Variants in GAL3ST2 observed in about 807,000 individuals in gnomAD.
The protein encoded by GAL3ST2 is galactose-3-O-sulfotransferase 2.
In GAL3ST2, 16 loss-of-function variants were observed where a neutral mutation model predicts 12.9. That is an observed-to-expected ratio of 1.24 (90% CI 0.84 to 1.88). The LOEUF (loss-of-function observed/expected upper bound fraction) is 1.88. Ranked by LOEUF, GAL3ST2 falls within the 40% of genes most tolerant of loss-of-function variation. The pLI, the probability that GAL3ST2 is intolerant of heterozygous loss-of-function variation, is 0.00. For missense variants in GAL3ST2, 639 were observed against 571.8 expected, an observed-to-expected ratio of 1.12 and a Z score of -1.20; for synonymous variants, 302 against 273.9, an observed-to-expected ratio of 1.10 and a Z score of -1.01.
Position 241,801,979 on chromosome 2 carries a change from G to A in GAL3ST2, c.318G>A (p.Val106=), listed in dbSNP as rs940504787. The A allele has an allele frequency of 8.7e-6, 14 of 1,612,800 alleles. No individual in the cohort carries two copies. In the African/African-American group the frequency reaches 1.7e-4, roughly 20 times the overall value. ...TCCTGGCGCGCTACGTGGAAGGCGT[G>A]GGGTCGCAGCAGCGCTTCAACATCA... The part of the protein sequence containing the change: ...WLFLARYVEG[V]GSQQRFNIMC... Residue 106 remains valine, a synonymous_variant, in exon 3 of 4, where the codon GTG becomes GTA. Transcript: ENST00000192314. The surrounding 1 kb of genome is among the most constrained non-coding windows in gnomAD (Gnocchi z 4.4).
intron 1 of GAL3ST2, among the ~76,000 whole-genome samples, chr2:241,794,439 G>C (rs1478028293): frequency 2.0e-5 from 3 of 152,198 alleles, no homozygotes; most frequent in Non-Finnish European, 4.4e-5. Context: ...GTGCCTCCCA[G>C]GCCTCTCTTC....
At chr2:241,787,590 G>C (rs1185388027) in intron 1 of GAL3ST2, among the ~76,000 whole-genome samples, 1 of 146,916 alleles carries the variant, frequency 6.8e-6, no homozygotes, top group African/African-American at 2.6e-5. Context: ...AGGAGGGCCA[G>C]TTCTACTGCT....
intron 1 of GAL3ST2, among the ~76,000 whole-genome samples, chr2:241,781,248 A>G (rs1164151183): frequency 6.6e-6 from 1 of 152,264 alleles, no homozygotes; most frequent in Admixed American, 6.5e-5. Context: ...GCAATGTTTT[A>G]CGAAAAACGT....
At chr2:241,785,631 G>C (rs377479081) in intron 1 of GAL3ST2, among the ~76,000 whole-genome samples, 3 of 151,450 alleles carry the variant, frequency 2.0e-5, no homozygotes, top group Non-Finnish European at 4.4e-5. Flanking sequence ...AAGGGAGTCT[G>C]GCACCTTCTT....
At position 241,801,826 on chromosome 2, in the gene GAL3ST2, GT is replaced by G. The variant is rs1238637043; in HGVS notation, c.167del (p.Phe56SerfsTer2). The G allele has an allele frequency of 1.9e-6, 3 of 1,612,924 alleles. 1 individual carries two copies. In the South Asian group the frequency reaches 3.3e-5, roughly 18 times the overall value. On this transcript the variant is annotated frameshift_variant, in exon 3 of 4. Transcript: ENST00000192314. LOFTEE classifies it high-confidence loss of function. The surrounding 1 kb of genome is among the most constrained non-coding windows in gnomAD (Gnocchi z 4.4). ...AEGPPVTNIM[F>X]LKTHKTASST... is the part of the protein sequence containing the mutation. ...AGGGGCCGCCGGTCACCAACATCAT[GT>G]TCCTGAAGACGCACAAGACGGCCAG...
At chr2:241,794,874 C>G (rs79819083) in intron 1 of GAL3ST2, among the ~76,000 whole-genome samples, 1,809 of 152,292 alleles carry the variant, frequency 0.012, 46 homozygotes, top group African/African-American at 0.042. Flanking sequence ...CAATCGTCAG[C>G]TTTCAAGGTT....
intron 1 of GAL3ST2, among the ~76,000 whole-genome samples, chr2:241,794,801 A>G (rs150183563): frequency 6.6e-6 from 1 of 152,344 alleles, no homozygotes; most frequent in African/African-American, 2.4e-5. Flanking sequence ...CCTAAAAGCT[A>G]AGGGCACTTG....
At chr2:241,797,059 G>C (rs965415061) in intron 1 of GAL3ST2, among the ~76,000 whole-genome samples, 1 of 152,240 alleles carries the variant, frequency 6.6e-6, no homozygotes, top group African/African-American at 2.4e-5. Context: ...GGGTCTCACT[G>C]TATTGCCCAG....
intron 1 of GAL3ST2, among the ~76,000 whole-genome samples, chr2:241,784,565 A>T (rs1234999114): frequency 6.6e-6 from 1 of 152,360 alleles, no homozygotes; most frequent in East Asian, 1.9e-4. Flanking sequence ...GATTTGACTT[A>T]AGTGGTGTGA....
chr2:241,786,220 C>A (rs1559413519), intron 1 of GAL3ST2, among the ~76,000 whole-genome samples: 1 of 150,748 alleles, frequency 6.6e-6, no homozygotes, highest in Non-Finnish European at 1.5e-5. Flanking sequence ...TAATTTGGAA[C>A]TTTTCTTCAG....
At chr2:241,786,058 G>A (rs948340139) in intron 1 of GAL3ST2, among the ~76,000 whole-genome samples, 4 of 152,010 alleles carry the variant, frequency 2.6e-5, no homozygotes, top group African/African-American at 9.7e-5. Context: ...TGTAAATAAA[G>A]TCCCTTTAGT....
Position 241,801,581 on chromosome 2 carries a change from G to A in GAL3ST2, c.120-200G>A, listed in dbSNP as rs73011987. 17 of 648,926 alleles carry A rather than the reference G, an allele frequency of 2.6e-5. No homozygotes were observed. The highest frequency in any genetic ancestry group is 4.3e-4 in the Middle Eastern group (1 of 2,340). 40.2% of individuals were successfully genotyped at this position (648,926 alleles called of 1,614,324 possible). On this transcript the variant is annotated intron_variant, in intron 2 of 3. Coordinates refer to ENST00000192314, the MANE Select transcript of GAL3ST2 (RefSeq NM_022134.3). The surrounding 1 kb of genome is among the most constrained non-coding windows in gnomAD (Gnocchi z 4.4). ...GAGACAGTTGGGGGAGTTTGTGTTC[G>A]GGCCACCAGCTGGGAGGTTGTGGAG... is the stretch of plus-strand genomic sequence containing the variant.
chr2:241,798,288 G>A (rs1336885977), intron 1 of GAL3ST2, among the ~76,000 whole-genome samples: 1 of 152,174 alleles, frequency 6.6e-6, no homozygotes, highest in Non-Finnish European at 1.5e-5. Context: ...CAGTCACCCC[G>A]GGCTGTCACA....
chr2:241,797,685 C>A (rs1699789741), intron 1 of GAL3ST2, among the ~76,000 whole-genome samples: 1 of 152,180 alleles, frequency 6.6e-6, no homozygotes, highest in South Asian at 2.1e-4. Context: ...GACCACTGAG[C>A]AGCGGGGCTG....
chr2:241,800,692 G>A lies in GAL3ST2; in HGVS notation c.120-1089G>A, dbSNP rs971374151. 2.6e-5 allele frequency among the ~76,000 whole-genome samples: 4 copies of A among 152,246 alleles called. No homozygotes were observed. The highest frequency in any genetic ancestry group is 9.6e-5 in the African/African-American group (4 of 41,454). The stretch of plus-strand genomic sequence containing the variant: ...ATGCGGCTCTTGTCCGATGGCAGCT[G>A]TGGTTCTGGCTGGGGGAGCAGGGGT... On this transcript the variant is annotated intron_variant, in intron 2 of 3. Coordinates refer to ENST00000192314, the MANE Select transcript of GAL3ST2 (RefSeq NM_022134.3). This position sits in a 1 kb window ranked among gnomAD's most constrained non-coding sequence, Gnocchi z 5.2.
Position 241,804,192 on chromosome 2 carries a change from C to T in GAL3ST2, c.*26C>T. 19 of 1,382,256 alleles carry T rather than the reference C, an allele frequency of 1.4e-5. No individual in the cohort carries two copies. Among genetic ancestry groups the T allele is most frequent in the Non-Finnish European group, 1.8e-5 (19 of 1,059,492 alleles). 85.6% of individuals were successfully genotyped at this position (1,382,256 alleles called of 1,614,324 possible). ...AGGGGCCGGGCCGGGGACGAGGCCT[C>T]CTGCGGACACCAGCTCCTCTCTCCG... On this transcript the variant is annotated 3_prime_UTR_variant, in exon 4 of 4. Transcript: ENST00000192314.
intron 3 of GAL3ST2, 52 bp from the exon 4 acceptor site, chr2:241,803,293 C>T: frequency 6.8e-7 from 1 of 1,464,538 alleles, no homozygotes; most frequent in Non-Finnish European, 9.2e-7. Context: ...CGCGGGTGGG[C>T]CACCCTGGCC....
chr2:241,794,345 C>T (rs1319546147), intron 1 of GAL3ST2, among the ~76,000 whole-genome samples: 2 of 152,230 alleles, frequency 1.3e-5, no homozygotes, highest in Non-Finnish European at 2.9e-5. Flanking sequence ...GTCCTGCAGG[C>T]GCTCACAGCT....
intron 1 of GAL3ST2, among the ~76,000 whole-genome samples, chr2:241,797,540 C>A (rs1049391537): frequency 1.2e-4 from 18 of 151,524 alleles, no homozygotes; most frequent in Admixed American, 4.6e-4. Context: ...GAGTGAGGAC[C>A]TGCTGCTCAG....
Sources: allele counts gnomAD v4.1 joint callset (sites outside exome capture counted in the v4.1 genomes callset), GRCh38; gene constraint gnomAD v4.1.1; non-coding constraint Gnocchi (gnomAD v3.1); transcripts MANE v1.5; gene names NCBI Gene and HGNC (gene_info 2026-07-23, HGNC 2026-07-21).